The following PI4KA variants were observed in gnomAD, a reference collection of about 807,000 sequenced individuals.
PI4KA encodes the protein phosphatidylinositol 4-kinase alpha.
Under a neutral mutation model 271.4 loss-of-function variants are expected in PI4KA, and 122 were observed. The observed-to-expected ratio is 0.45, with a 90% CI of 0.39 to 0.52. PI4KA has a LOEUF of 0.52. PI4KA is among the 20% of genes least tolerant of loss of function. The pLI is 0.00. For missense variants in PI4KA, 1,969 were observed against 2,769.1 expected (o/e 0.71, Z 6.48); for synonymous variants, 1,041 against 1,078.8 (o/e 0.96, Z 0.69).
intron 29 of PI4KA, among the ~76,000 whole-genome samples, chr22:20,746,518 A>G (rs1930133898): frequency 6.6e-6 from 1 of 152,246 alleles, no homozygotes; most frequent in South Asian, 2.1e-4. Context: ...GAGAACACAT[A>G]TTCTATTTTA....
chr22:20,744,562 C>T (rs1929844873), intron 30 of PI4KA, 66 bp downstream of exon 30: 12 of 1,097,016 alleles, frequency 1.1e-5, no homozygotes, highest in African/African-American at 3.1e-5. Context: ...CACTAGGAAG[C>T]GGCCAACAGG....
rs376870477 is a variant in PI4KA, at chr22:20,783,937, C to G, written c.2328+9256G>C. On this transcript the variant is annotated intron_variant, in intron 19 of 54. Coordinates refer to ENST00000255882, the MANE Select transcript of PI4KA (RefSeq NM_058004.4). ...GGTGAGACGATTTCCCTAAAGGAACCTTCTCATAACAGCCTCTTCCTGTGG... is the reference window on the plus strand; with the variant it reads ...GGTGAGACGATTTCCCTAAAGGAACGTTCTCATAACAGCCTCTTCCTGTGG... 7.0e-5 allele frequency: 113 copies of G among 1,614,046 alleles called. 1 individual carries two copies. The African/African-American group carries it at 1.3e-3, about 19-fold the overall frequency.
At chr22:20,840,847 C>A (rs950094726) in intron 1 of PI4KA, among the ~76,000 whole-genome samples, 2 of 151,996 alleles carry the variant, frequency 1.3e-5, no homozygotes, top group Non-Finnish European at 2.9e-5. Context: ...AAGACCCTGT[C>A]CCTACAAAAA....
At chr22:20,778,260 G>T (rs1002304670) in intron 19 of PI4KA, among the ~76,000 whole-genome samples, 2 of 152,072 alleles carry the variant, frequency 1.3e-5, no homozygotes, top group Non-Finnish European at 2.9e-5. Flanking sequence ...CAGCACTTTG[G>T]GGGGCTGAGG....
intron 19 of PI4KA, among the ~76,000 whole-genome samples, chr22:20,770,372 G>A (rs1932813360): frequency 6.6e-6 from 1 of 151,694 alleles, no homozygotes; most frequent in African/African-American, 2.4e-5. Context: ...AATTAGCCAG[G>A]CATGATGGCA....
intron 5 of PI4KA, 23 bp downstream of exon 5, chr22:20,820,516 A>G: frequency 6.5e-7 from 1 of 1,531,554 alleles, no homozygotes; most frequent in Non-Finnish European, 9.0e-7. Context: ...CCATTTTAAG[A>G]AAAACCTTAA....
chr22:20,715,029 C>T (rs564763622), intron 45 of PI4KA, among the ~76,000 whole-genome samples: 22 of 152,214 alleles, frequency 1.4e-4, no homozygotes, highest in Middle Eastern at 3.4e-3. Flanking sequence ...TGTCCTGCCT[C>T]CACCTGCCTG....
chr22:20,831,749 A>G (rs1221829357), intron 3 of PI4KA, among the ~76,000 whole-genome samples: 1 of 151,508 alleles, frequency 6.6e-6, no homozygotes, highest in Admixed American at 6.6e-5. Context: ...TGCCTTTAAC[A>G]TTTTTTTTCT....
At chr22:20,812,923 G>GT (rs1601552398) in intron 8 of PI4KA, among the ~76,000 whole-genome samples, 2 of 152,118 alleles carry the variant, frequency 1.3e-5, no homozygotes, top group East Asian at 1.9e-4. Context: ...GTTTTCTCTG[G>GT]TATCACCCTC....
Position 20,834,620 on chromosome 22 carries a change from A to G in PI4KA, c.309T>C (p.Leu103=). 1 of 1,610,150 alleles carries G rather than the reference A, an allele frequency of 6.2e-7. No homozygotes were observed. The highest frequency in any genetic ancestry group is 8.5e-7 in the Non-Finnish European group (1 of 1,176,404). ...AATACACTTTTGGAAGACCTTTGAG[A>G]AGTCGAAGAAGGTAAGGAACCACAC... is the stretch of plus-strand genomic sequence containing the variant. ...KDCVVPYLLR[L]LKGLPKVYWV... Residue 103 remains leucine, a synonymous_variant, in exon 3 of 55, where the codon CTT becomes CTC. Transcript: ENST00000255882.
intron 32 of PI4KA, among the ~76,000 whole-genome samples, chr22:20,739,911 AATTAGCCAGGCATG>A (rs1929206849): frequency 6.6e-6 from 1 of 151,916 alleles, no homozygotes; most frequent in Non-Finnish European, 1.5e-5. Flanking sequence ...AAAACACAAA[AATTAGCCAGGCATG>A]ATGGCTGGTG....
intron 3 of PI4KA, among the ~76,000 whole-genome samples, chr22:20,829,004 A>T (rs546176242): frequency 2.0e-5 from 3 of 152,308 alleles, no homozygotes; most frequent in African/African-American, 7.2e-5. Flanking sequence ...CCTGTATCCC[A>T]GGGATAAAGC....
intron 1 of PI4KA, among the ~76,000 whole-genome samples, chr22:20,850,488 G>A (rs1444095063): frequency 6.6e-6 from 1 of 151,638 alleles, no homozygotes; most frequent in Non-Finnish European, 1.5e-5. Flanking sequence ...CTGTCACCCA[G>A]GCTGGAGTGC....
chr22:20,811,369 C>G (rs558679079), intron 8 of PI4KA, among the ~76,000 whole-genome samples: 1 of 152,244 alleles, frequency 6.6e-6, no homozygotes, highest in Non-Finnish European at 1.5e-5. Context: ...TTAACAGGCA[C>G]AGTTGTGTGA....
chr22:20,779,786 T>G, intron 19 of PI4KA: 2 of 1,614,216 alleles, frequency 1.2e-6, no homozygotes, highest in Non-Finnish European at 8.5e-7. Flanking sequence ...CCGTTGGCAT[T>G]TCTACTGCGA....
intron 9 of PI4KA, among the ~76,000 whole-genome samples, chr22:20,808,004 G>T (rs1935764415): frequency 6.6e-6 from 1 of 151,756 alleles, no homozygotes; most frequent in African/African-American, 2.4e-5. Context: ...AAAGATAATA[G>T]TCCAGCCCGG....
At chr22:20,849,533 T>C (rs1926693836) in intron 1 of PI4KA, among the ~76,000 whole-genome samples, 1 of 152,198 alleles carries the variant, frequency 6.6e-6, no homozygotes, top group Non-Finnish European at 1.5e-5. Context: ...TGCTACAACA[T>C]GGATGAACCT....
intron 47 of PI4KA, among the ~76,000 whole-genome samples, chr22:20,713,918 G>A (rs1925655340): frequency 6.6e-6 from 1 of 152,214 alleles, no homozygotes; most frequent in South Asian, 2.1e-4. Context: ...GATGTAATTA[G>A]GTTAAGACAA....
At chr22:20,713,529 C>T (rs1925602768) in intron 47 of PI4KA, 139 bp from the exon 48 acceptor site, 1 of 661,040 alleles carries the variant, frequency 1.5e-6, no homozygotes, top group African/African-American at 1.8e-5. Flanking sequence ...CCAAGGAGGC[C>T]AAGGAGGAGC....
Sources: gnomAD v4.1 joint callset for allele counts (sites outside exome capture counted in the v4.1 genomes callset) on GRCh38, gnomAD v4.1.1 for gene constraint, MANE v1.5 for transcripts, NCBI Gene and HGNC (gene_info 2026-07-23, HGNC 2026-07-21) for gene names.